Variants in DCC observed in about 807,000 individuals in gnomAD.
The protein encoded by DCC is DCC netrin 1 receptor, also known as netrin receptor DCC.
DCC carries 58 observed loss-of-function variants against 172.5 expected under a neutral mutation model. The observed-to-expected ratio is 0.34, with a 90% confidence interval of 0.27 to 0.42. The LOEUF is 0.42. DCC is among the 10% of genes least tolerant of loss of function. The pLI is 1.00. For synonymous variants in DCC, 709 were observed against 644.5 expected (o/e 1.10, Z -1.52); for missense variants, 1,740 against 1,791.0 (o/e 0.97, Z 0.51).
chr18:53,091,851 CAATCTATCTATATATATATA>C (rs1442001645), intron 7 of DCC, among the ~76,000 whole-genome samples: 45 of 54,376 alleles, frequency 8.3e-4, no homozygotes, highest in African/African-American at 3.8e-3. Context: ...ATCTATCTAT[CAATCTATCTATATATATATA>C]TATATCTACA....
chr18:53,240,026 T>TAAAAAAAAAAA (rs68158437), intron 12 of DCC, among the ~76,000 whole-genome samples: 36 of 68,980 alleles, frequency 5.2e-4, no homozygotes, highest in Middle Eastern at 0.01. Flanking sequence ...GTTCTAGAGT[T>TAAAAAAAAAAA]AAAAAAAAAA....
chr18:53,311,557 G>A (rs144422702), intron 13 of DCC, among the ~76,000 whole-genome samples: 13 of 152,278 alleles, frequency 8.5e-5, no homozygotes, highest in African/African-American at 1.4e-4. Context: ...TTCACTATGC[G>A]TGTTGTCATC....
rs114017658 is a variant in DCC, at chr18:52,859,028, C to T, written c.413-47016C>T. The stretch of plus-strand genomic sequence containing the variant: ...TATATTAGTGATGTTAAAAAAATGG[C>T]CCATTGGCTCATGCCTGCCATCCCA... On this transcript the variant is annotated intron_variant, in intron 2 of 28. Transcript: ENST00000442544. Among the ~76,000 whole-genome samples, 11 of 152,238 alleles carry T rather than the reference C, an allele frequency of 7.2e-5. 1 individual carries two copies. In the East Asian group the frequency reaches 1.9e-3, roughly 27 times the overall value.
At chr18:52,444,127 GC>G in intron 1 of DCC, among the ~76,000 whole-genome samples, 1 of 152,324 alleles carries the variant, frequency 6.6e-6, no homozygotes, top group East Asian at 1.9e-4. Flanking sequence ...GCTGGCTGCA[GC>G]CTAGAAAGGC....
At chr18:52,850,843 A>G (rs1310992214) in intron 2 of DCC, among the ~76,000 whole-genome samples, 1 of 152,132 alleles carries the variant, frequency 6.6e-6, no homozygotes, top group African/African-American at 2.4e-5. Context: ...GTGTTATTGA[A>G]TGCATTGTAA....
chr18:52,472,597 T>C (rs1487126683), intron 1 of DCC, among the ~76,000 whole-genome samples: 1 of 152,204 alleles, frequency 6.6e-6, no homozygotes, highest in Non-Finnish European at 1.5e-5. Context: ...TCTGTTAACA[T>C]ATTTGTATTT....
intron 1 of DCC, among the ~76,000 whole-genome samples, chr18:52,412,658 C>G (rs1390158021): frequency 1.3e-5 from 2 of 152,010 alleles, no homozygotes; most frequent in Admixed American, 6.6e-5. Context: ...GCTTGTGCCC[C>G]AAGATTGTTC....
At chr18:52,905,494 A>G (rs1250750814) in intron 2 of DCC, among the ~76,000 whole-genome samples, 1 of 152,208 alleles carries the variant, frequency 6.6e-6, no homozygotes, top group Non-Finnish European at 1.5e-5. Context: ...CTTAAGCAGT[A>G]AACCCTAAAA....
chr18:52,764,822 G>T (rs933133761), intron 2 of DCC, among the ~76,000 whole-genome samples: 1 of 152,086 alleles, frequency 6.6e-6, no homozygotes, highest in African/African-American at 2.4e-5. Flanking sequence ...TCTGTAAAAA[G>T]AAGTTTCTAG....
At chr18:53,356,199 T>A (rs1023702744) in intron 15 of DCC, among the ~76,000 whole-genome samples, 9 of 152,066 alleles carry the variant, frequency 5.9e-5, no homozygotes, top group Non-Finnish European at 1.3e-4. Flanking sequence ...GGATTTCCAG[T>A]GTGAGCTATG....
intron 7 of DCC, among the ~76,000 whole-genome samples, chr18:53,096,025 A>G (rs4462678): frequency 0.58 from 87,629 of 151,796 alleles, 26,919 homozygotes; most frequent in African/African-American, 0.7. Flanking sequence ...GTTGGGAGAC[A>G]TGACAAGACC....
At chr18:53,424,451 G>A (rs916117044) in intron 21 of DCC, among the ~76,000 whole-genome samples, 1 of 152,164 alleles carries the variant, frequency 6.6e-6, no homozygotes, top group Non-Finnish European at 1.5e-5. Flanking sequence ...AATATAGTTA[G>A]GAGGAGGATA....
At chr18:53,010,228 G>T (rs2041708087) in intron 5 of DCC, among the ~76,000 whole-genome samples, 1 of 151,830 alleles carries the variant, frequency 6.6e-6, no homozygotes, top group Admixed American at 6.6e-5. Context: ...ATACTAAGTT[G>T]ATATCACTTT....
chr18:53,504,791 G>GT (rs1568173852), intron 27 of DCC, among the ~76,000 whole-genome samples: 1 of 152,150 alleles, frequency 6.6e-6, no homozygotes, highest in Admixed American at 6.5e-5. Flanking sequence ...GTCATTATGC[G>GT]TAAGCCAAGT....
At chr18:52,708,636 C>A (rs1223982425) in intron 1 of DCC, among the ~76,000 whole-genome samples, 1 of 152,018 alleles carries the variant, frequency 6.6e-6, no homozygotes, top group Non-Finnish European at 1.5e-5. Context: ...CCTGTCCCTG[C>A]GAAAGGCTCT....
In DCC at chr18:53,124,485, G is replaced by T. The variant is rs144108730; in HGVS notation, c.1262-32871G>T. Among the ~76,000 whole-genome samples, 861 of 152,106 alleles carry T rather than the reference G, an allele frequency of 5.7e-3. 6 individuals are homozygous for T. Among genetic ancestry groups the T allele is most frequent in the Admixed American group, 0.023 (349 of 15,262 alleles). On this transcript the variant is annotated intron_variant, in intron 7 of 28. Transcript: ENST00000442544. ...TTTACTATGGCAAGGAAAAGGACTG[G>T]AAAATTTGCCCCCTGCTTGTTGAAC...
chr18:53,484,510 G>A (rs2045878396), intron 25 of DCC, among the ~76,000 whole-genome samples: 1 of 151,872 alleles, frequency 6.6e-6, no homozygotes, highest in South Asian at 2.1e-4. Flanking sequence ...TCATAAACAA[G>A]ACCAAAATCA....
At chr18:53,334,904 C>A (rs150227498) in intron 14 of DCC, among the ~76,000 whole-genome samples, 1 of 152,108 alleles carries the variant, frequency 6.6e-6, no homozygotes, top group Non-Finnish European at 1.5e-5. Flanking sequence ...CATGGATGTA[C>A]AAATATTTGT....
chr18:52,895,338 T>C (rs2039713212), intron 2 of DCC, among the ~76,000 whole-genome samples: 1 of 152,228 alleles, frequency 6.6e-6, no homozygotes, highest in Admixed American at 6.5e-5. Flanking sequence ...TACTATTGAT[T>C]ATAAACCAAT....
Sources: gnomAD v4.1 joint callset for allele counts (sites outside exome capture counted in the v4.1 genomes callset) on GRCh38, gnomAD v4.1.1 for gene constraint, MANE v1.5 for transcripts, NCBI Gene and HGNC (gene_info 2026-07-23, HGNC 2026-07-21) for gene names.